Variants in EFHB observed in about 807,000 individuals in gnomAD.
EFHB encodes EF-hand domain-containing family member B.
A neutral mutation model predicts 87.2 loss-of-function variants in EFHB; 91 were observed. The ratio of observed to expected loss-of-function variants is 1.04; its 90% CI spans 0.88 to 1.24. The LOEUF (loss-of-function observed/expected upper bound fraction) is 1.24, where lower values mean the gene tolerates loss of function less well. Ranked by LOEUF, EFHB falls within the 50% of genes most tolerant of loss-of-function variation. The pLI is 0.00. For missense variants in EFHB, 1,084 were observed against 998.8 expected (o/e 1.09, Z -1.15); for synonymous variants, 325 against 333.6 (o/e 0.97, Z 0.28).
chr3:19,885,249 T>C (rs566807699), intron 10 of EFHB, among the ~76,000 whole-genome samples: 6 of 150,478 alleles, frequency 4.0e-5, no homozygotes, highest in Middle Eastern at 3.5e-3. Context: ...CGTATTTTAA[T>C]ATTTAACTTG....
At chr3:19,904,858 T>G (rs1462006958) in intron 6 of EFHB, among the ~76,000 whole-genome samples, 1 of 152,220 alleles carries the variant, frequency 6.6e-6, no homozygotes, top group Non-Finnish European at 1.5e-5. Context: ...ATGGTACCAG[T>G]ATCCACAATC....
chr3:19,930,408 C>G (rs1695788728), intron 1 of EFHB, among the ~76,000 whole-genome samples: 1 of 152,100 alleles, frequency 6.6e-6, no homozygotes, highest in African/African-American at 2.4e-5. Context: ...CACTGATTCA[C>G]TAAATAATAA....
At chr3:19,899,605 A>G (rs1259632780) in intron 6 of EFHB, 90 bp from the exon 7 acceptor site, 30 of 812,924 alleles carry the variant, frequency 3.7e-5, no homozygotes, top group Non-Finnish European at 4.0e-5. Context: ...CCATAGTATC[A>G]TTAGGCCTTC....
chr3:19,885,398 C>T (rs1171314737), intron 10 of EFHB, among the ~76,000 whole-genome samples: 1 of 152,130 alleles, frequency 6.6e-6, no homozygotes. Context: ...TCACTGTGAG[C>T]TCAAGAACTG....
At chr3:19,908,596 GAGAGAAAGAAAGAA>G (rs1293125064) in intron 5 of EFHB, among the ~76,000 whole-genome samples, 31 of 97,184 alleles carry the variant, frequency 3.2e-4, no homozygotes, top group South Asian at 6.5e-4. Flanking sequence ...GAGAGAGAGA[GAGAGAAAGAAAGAA>G]AGAAAGAAAG....
At chr3:19,903,771 G>A (rs779710664) in intron 6 of EFHB, among the ~76,000 whole-genome samples, 2 of 152,094 alleles carry the variant, frequency 1.3e-5, no homozygotes, top group African/African-American at 4.8e-5. Flanking sequence ...CCCATAAAGA[G>A]GTGATCAAGA....
At chr3:19,905,804 T>G in intron 5 of EFHB, 55 bp from the exon 6 acceptor site, 1 of 1,530,670 alleles carries the variant, frequency 6.5e-7, no homozygotes, top group Non-Finnish European at 8.8e-7. Flanking sequence ...AACCTTATCA[T>G]GCAAGATGCA....
At chr3:19,887,800 T>C (rs1002985568) in intron 10 of EFHB, among the ~76,000 whole-genome samples, 1 of 152,230 alleles carries the variant, frequency 6.6e-6, no homozygotes, top group Admixed American at 6.5e-5. Context: ...GATTATGCTG[T>C]TTTTCCTTTT....
intron 5 of EFHB, among the ~76,000 whole-genome samples, chr3:19,906,970 T>C (rs1442849634): frequency 1.3e-5 from 2 of 151,330 alleles, no homozygotes; most frequent in Non-Finnish European, 2.9e-5. Context: ...ACAAGGATAG[T>C]CTCTTCAATA....
chr3:19,881,863 T>G (rs1248147387), intron 12 of EFHB, among the ~76,000 whole-genome samples: 2 of 152,058 alleles, frequency 1.3e-5, no homozygotes, highest in African/African-American at 4.8e-5. Flanking sequence ...TAAGCACAGA[T>G]GTAGACAGGC....
chr3:19,889,994 A>G (rs1026259935), intron 9 of EFHB, among the ~76,000 whole-genome samples: 1 of 152,154 alleles, frequency 6.6e-6, no homozygotes, highest in Admixed American at 6.6e-5. Flanking sequence ...TCTCAAAAAC[A>G]AACAAAAGTC....
rs755503392 is a variant in EFHB at position 19,933,572 on chromosome 3, A to T, written c.447T>A (p.Ser149Arg). ...AAGSRRAPLA[S>R]GPEGVEELVG... ...CTAATTCCTCTACCCCTTCAGGGCC[A>T]CTAGCCAAAGGAGCTCTCCTGCTCC... Residue 149 changes from serine (S) to arginine (R), a missense_variant, in exon 1 of 13, where the codon AGT (serine) becomes AGA (arginine). By Grantham distance (110) the Ser-to-Arg change is moderately radical. Coordinates refer to ENST00000295824, the MANE Select transcript of EFHB (RefSeq NM_144715.4). 6.2e-7 allele frequency: 1 copy of T among 1,613,964 alleles called. No homozygotes were observed. Among genetic ancestry groups the T allele is most frequent in the East Asian group, 2.2e-5 (1 of 44,882 alleles).
chr3:19,946,690 A>G (rs12495866), intron 1 of EFHB, among the ~76,000 whole-genome samples: 28,419 of 152,134 alleles, frequency 0.19, 2,943 homozygotes, highest in Non-Finnish European at 0.23. Flanking sequence ...CTCTCGTGCT[A>G]GACAAGTTCC....
upstream of EFHB, chr3:19,936,072 T>C: frequency 1.7e-6 from 2 of 1,176,266 alleles, no homozygotes; most frequent in Non-Finnish European, 2.1e-6. Flanking sequence ...TCCAGAACTC[T>C]ACAAAAACCC....
intron 5 of EFHB, among the ~76,000 whole-genome samples, chr3:19,907,423 A>G (rs1390872580): frequency 6.6e-6 from 1 of 152,212 alleles, no homozygotes; most frequent in East Asian, 1.9e-4. Context: ...GAAAAACTGC[A>G]GGGTCTCCAC....
At chr3:19,902,185 T>C (rs970936599) in intron 6 of EFHB, among the ~76,000 whole-genome samples, 3 of 152,178 alleles carry the variant, frequency 2.0e-5, no homozygotes, top group Non-Finnish European at 2.9e-5. Context: ...TAAAGCTCTT[T>C]GTGTGCCAGT....
At chr3:19,927,534 G>A (rs938992181) in intron 1 of EFHB, among the ~76,000 whole-genome samples, 3 of 152,146 alleles carry the variant, frequency 2.0e-5, no homozygotes, top group Non-Finnish European at 2.9e-5. Flanking sequence ...CCAACTTTGG[G>A]CAGCAACTTC....
chr3:19,938,246 T>C (rs1170032766), upstream of EFHB, among the ~76,000 whole-genome samples: 3 of 152,208 alleles, frequency 2.0e-5, no homozygotes, highest in Non-Finnish European at 4.4e-5. Flanking sequence ...GTGTTCCGTA[T>C]CTCAATAGGG....
At chr3:19,888,759 A>G in intron 9 of EFHB, 108 bp from the exon 10 acceptor site, 1 of 946,194 alleles carries the variant, frequency 1.1e-6, no homozygotes. Flanking sequence ...ACATAAATTC[A>G]AATTTGTCTC....
Sources: allele counts gnomAD v4.1 joint callset (sites outside exome capture counted in the v4.1 genomes callset), GRCh38; gene constraint gnomAD v4.1.1; transcripts MANE v1.5; gene names NCBI Gene and HGNC (gene_info 2026-07-23, HGNC 2026-07-21).